Variants in FZR1 observed in about 807,000 individuals in gnomAD.
FZR1 encodes fizzy-related protein homolog.
Under a neutral mutation model 63.6 loss-of-function variants are expected in FZR1, and 11 were observed. The ratio of observed to expected loss-of-function variants is 0.17; its 90% confidence interval spans 0.11 to 0.29. The LOEUF (loss-of-function observed/expected upper bound fraction) is 0.29, where lower values mean the gene tolerates loss of function less well. FZR1 is among the 10% of genes least tolerant of loss of function. The pLI is 1.00. For synonymous variants in FZR1, 328 were observed against 297.9 expected (o/e 1.10, Z -1.04); for missense variants, 440 against 687.5 (o/e 0.64, Z 4.03).
At chr19:3,520,188 T>TG (rs1204695333) in intron 1 of FZR1, among the ~76,000 whole-genome samples, 1 of 151,996 alleles carries the variant, frequency 6.6e-6, no homozygotes, top group Non-Finnish European at 1.5e-5. Flanking sequence ...TCGGGTGTGG[T>TG]GGGGACACAT....
rs376637192 is a variant in FZR1, at chr19:3,534,502, C to T, written c.1429C>T (p.Arg477Cys). 1.2e-6 allele frequency: 2 copies of T among 1,605,634 alleles called. No individual in the cohort carries two copies. The highest frequency in any genetic ancestry group is 2.2e-5 in the East Asian group (1 of 44,746). The change falls in exon 13 of 14, where the codon CGT (arginine) becomes TGT (cysteine). Residue 477 changes from arginine to cysteine, a missense_variant. By Grantham distance (180) the Arg-to-Cys change is radical. Around this residue, in one of 5 missense-constraint regions of FZR1, gnomAD observed 28 missense variants for 26.3 expected, o/e 1.06. Transcript: ENST00000441788. ...LRFWNVFSKT[R>C]STKESVSVLN... ...GTTCTGGAACGTCTTTAGCAAAACCCGTTCGACAAAGGTAAAGTGGGTCGG... is the reference window on the plus strand; with the variant it reads ...GTTCTGGAACGTCTTTAGCAAAACCTGTTCGACAAAGGTAAAGTGGGTCGG...
At chr19:3,510,775 C>A (rs1415294621) in intron 1 of FZR1, among the ~76,000 whole-genome samples, 1 of 152,244 alleles carries the variant, frequency 6.6e-6, no homozygotes. Context: ...TCCGCCCCCA[C>A]AGGCACTGGG....
chr19:3,533,216 C>G lies in FZR1; in HGVS notation c.1243-78C>G. On this transcript the variant is annotated intron_variant, in intron 11 of 13. Coordinates refer to ENST00000441788, the MANE Select transcript of FZR1 (RefSeq NM_016263.4). This position sits in a 1 kb window ranked among gnomAD's most constrained non-coding sequence, Gnocchi z 4.9. The stretch of plus-strand genomic sequence containing the variant: ...CTCTGAGCTCTCACATGGGCTCAGG[C>G]GGGTGCATGTGAGGCAGCAGGCATA... 1.1e-6 allele frequency: 1 copy of G among 870,484 alleles called. No homozygotes were observed. 53.9% of individuals were successfully genotyped at this position (870,484 alleles called of 1,614,324 possible).
rs2083055780 is a variant in FZR1 at position 3,515,938 on chromosome 19, G to C, written c.-34-7018G>C. ...CTCTGCATGGCCATTTTTCTGTGCA[G>C]TGGGTCTCACAGCCTCTTCCGCTCC... is the stretch of plus-strand genomic sequence containing the variant. On this transcript the variant is annotated intron_variant, in intron 1 of 13. Transcript: ENST00000441788. The surrounding 1 kb of genome is among the most constrained non-coding windows in gnomAD (Gnocchi z 4.6). 6.6e-6 allele frequency among the ~76,000 whole-genome samples: 1 copy of C among 152,048 alleles called. No individual in the cohort carries two copies. Among genetic ancestry groups the C allele is most frequent in the African/African-American group, 2.4e-5 (1 of 41,406 alleles).
chr19:3,526,890 TGAGCTGTACCG>T lies in FZR1; in HGVS notation c.388-88_388-78del. 1 of 888,102 alleles carries T rather than the reference TGAGCTGTACCG, an allele frequency of 1.1e-6. No homozygotes were observed. The highest frequency in any genetic ancestry group is 1.4e-5 in the South Asian group (1 of 72,700). 55.0% of individuals were successfully genotyped at this position (888,102 alleles called of 1,614,324 possible). A position where few individuals can be genotyped will look rare whatever the true frequency, so the allele number is the denominator to read the frequency against. ...GGTCTCAGCACCTGCCTTAGGGCTA[TGAGCTGTACCG>T]GGAGCGTGGGCTGCTGGGGGGCTCT... is the stretch of plus-strand genomic sequence containing the variant. On this transcript the variant is annotated intron_variant, in intron 5 of 13. Transcript: ENST00000441788. This position sits in a 1 kb window ranked among gnomAD's most constrained non-coding sequence, Gnocchi z 5.4.
In FZR1 at chr19:3,526,022, A is replaced by AC. The variant is rs758216795; in HGVS notation, c.195+35dup. On this transcript the variant is annotated intron_variant, in intron 3 of 13. Transcript: ENST00000441788. The surrounding 1 kb of genome is among the most constrained non-coding windows in gnomAD (Gnocchi z 5.4). ...AGGGGCTGGCTGGGCAGGAGATGGG[A>AC]CCCCCCGGGAAGCCCAGGGCCCCTC... 44 of 1,610,526 alleles carry AC rather than the reference A, an allele frequency of 2.7e-5. No homozygotes were observed. The highest frequency in any genetic ancestry group is 1.1e-4 in the African/African-American group (8 of 74,710).
rs749427771 is a variant in FZR1 at position 3,526,985 on chromosome 19, C to T, written c.393C>T (p.Ser131=). The T allele has an allele frequency of 1.2e-6, 2 of 1,610,768 alleles. No homozygotes were observed. The highest frequency in any genetic ancestry group is 1.3e-5 in the African/African-American group (1 of 74,912). ...GCATGTCCCCCGCTCCACAGTATTC[C>T]CTTAGCACCAAGCGCTCCAGCCCCG... The part of the protein sequence containing the change: ...TPEKKGLFTY[S]LSTKRSSPDD... The change falls in exon 6 of 14, where the codon TCC becomes TCT. Residue 131 remains serine (S), a synonymous_variant. Coordinates refer to ENST00000441788, the MANE Select transcript of FZR1 (RefSeq NM_016263.4). This position sits in a 1 kb window ranked among gnomAD's most constrained non-coding sequence, Gnocchi z 5.4.
At chr19:3,529,361 C>T (rs111211870) in intron 7 of FZR1, among the ~76,000 whole-genome samples, 154 of 119,296 alleles carry the variant, frequency 1.3e-3, no homozygotes, top group African/African-American at 4.7e-3. Flanking sequence ...GATGGGAGAG[C>T]GGATGGGAGA....
At chr19:3,529,404 G>A (rs1345113266) in intron 7 of FZR1, among the ~76,000 whole-genome samples, 2 of 148,468 alleles carry the variant, frequency 1.3e-5, no homozygotes, top group African/African-American at 5.0e-5. Context: ...GAGCGGATGG[G>A]AGAGCAGATG....
rs886273032 is a variant in FZR1 at position 3,508,480 on chromosome 19, C to T, written c.-35+2006C>T. On this transcript the variant is annotated intron_variant, in intron 1 of 13. Transcript: ENST00000441788. ...CCAAAGTGCTGTGATTACAGGCGTG[C>T]GCCACCGCGCTCGGCCTTACGTTGA... Among the ~76,000 whole-genome samples, 5 of 152,236 alleles carry T rather than the reference C, an allele frequency of 3.3e-5. No individual in the cohort carries two copies. In the East Asian group the frequency reaches 7.7e-4, roughly 24 times the overall value.
chr19:3,507,886 G>A (rs2082996904), intron 1 of FZR1, among the ~76,000 whole-genome samples: 1 of 152,266 alleles, frequency 6.6e-6, no homozygotes. Context: ...CCAAGTGGAG[G>A]CAGGTGTGCT....
At chr19:3,528,225 CCT>C (rs1280828998) in intron 7 of FZR1, among the ~76,000 whole-genome samples, 1 of 152,234 alleles carries the variant, frequency 6.6e-6, no homozygotes, top group African/African-American at 2.4e-5. Flanking sequence ...CCTGGAGTGG[CCT>C]CTGGGCGCAT....
chr19:3,519,957 C>T (rs2083086707), intron 1 of FZR1, among the ~76,000 whole-genome samples: 1 of 151,962 alleles, frequency 6.6e-6, no homozygotes, highest in African/African-American at 2.4e-5. Context: ...CGGGGGGCCC[C>T]ACACCCACAG....
At chr19:3,512,180 G>A (rs1029474695) in intron 1 of FZR1, among the ~76,000 whole-genome samples, 1 of 152,238 alleles carries the variant, frequency 6.6e-6, no homozygotes, top group Non-Finnish European at 1.5e-5. Flanking sequence ...GCCCAAGGAC[G>A]AAGGAGCAGG....
chr19:3,510,192 A>G (rs2083014790), intron 1 of FZR1, among the ~76,000 whole-genome samples: 1 of 151,938 alleles, frequency 6.6e-6, no homozygotes, highest in African/African-American at 2.4e-5. Context: ...GCTGGAGTGC[A>G]GTGGCGCAAT....
intron 1 of FZR1, among the ~76,000 whole-genome samples, chr19:3,512,641 T>C (rs1001373381): frequency 1.3e-5 from 2 of 152,130 alleles, no homozygotes; most frequent in African/African-American, 4.8e-5. Context: ...GCTGCAGGGC[T>C]GAGGGCCGCG....
chr19:3,522,480 A>G (rs997944916), intron 1 of FZR1, among the ~76,000 whole-genome samples: 3 of 152,120 alleles, frequency 2.0e-5, no homozygotes, highest in Non-Finnish European at 4.4e-5. Flanking sequence ...GACTTGGTCT[A>G]CCTGGGCCTG....
Position 3,527,614 on chromosome 19 carries a change from C to T in FZR1, c.471-17C>T, listed in dbSNP as rs779155117. On this transcript the variant is annotated splice_polypyrimidine_tract_variant and intron_variant, in intron 6 of 13. Transcript: ENST00000441788. ...CAAGTGCCGTGGCTCACGGATGCCA[C>T]GTGGCCGCCTCTGCAGCCAGAAGCT... The T allele has an allele frequency of 6.3e-6, 10 of 1,592,712 alleles. No individual in the cohort carries two copies. The highest frequency in any genetic ancestry group is 5.5e-5 in the South Asian group (5 of 90,324).
rs1420562205 is a variant in FZR1, at chr19:3,525,393, T to C, written c.70-475T>C. 6.7e-6 allele frequency among the ~76,000 whole-genome samples: 1 copy of C among 149,272 alleles called. No homozygotes were observed. Among genetic ancestry groups the C allele is most frequent in the Non-Finnish European group, 1.5e-5 (1 of 67,534 alleles). ...TGGCACAGAAATCCCTGACCATGAG[T>C]GACCACGAGTGACTGTGTGGCTCCC... On this transcript the variant is annotated intron_variant, in intron 2 of 13. Coordinates refer to ENST00000441788, the MANE Select transcript of FZR1 (RefSeq NM_016263.4). The surrounding 1 kb of genome is among the most constrained non-coding windows in gnomAD (Gnocchi z 4.2).
Sources: allele counts gnomAD v4.1 joint callset (sites outside exome capture counted in the v4.1 genomes callset), GRCh38; gene constraint gnomAD v4.1.1; regional missense constraint gnomAD v4.1.1; non-coding constraint Gnocchi (gnomAD v3.1); transcripts MANE v1.5; gene names NCBI Gene and HGNC (gene_info 2026-07-23, HGNC 2026-07-21).